Variants in BAIAP2L2 observed in about 807,000 individuals in gnomAD.
BAIAP2L2 encodes BAR/IMD domain containing adaptor protein 2 like 2, also known as BAR/IMD domain-containing adapter protein 2-like 2.
Under a neutral mutation model 60.4 loss-of-function variants are expected in BAIAP2L2, and 65 were observed. The ratio of observed to expected loss-of-function variants is 1.08; its 90% CI spans 0.88 to 1.32. The LOEUF (loss-of-function observed/expected upper bound fraction) is 1.32, where lower values mean the gene tolerates loss of function less well. BAIAP2L2 is among the 40% of genes most tolerant of loss of function. The pLI is 0.00. For synonymous variants in BAIAP2L2, 344 were observed against 301.7 expected, an observed-to-expected ratio of 1.14 and a Z score of -1.45; for missense variants, 836 against 741.2, an observed-to-expected ratio of 1.13 and a Z score of -1.48.
intron 1 of BAIAP2L2, among the ~76,000 whole-genome samples, chr22:38,109,882 G>C (rs1476595903): frequency 6.6e-6 from 1 of 151,218 alleles, no homozygotes; most frequent in Admixed American, 6.6e-5. Flanking sequence ...TATCAAGCAG[G>C]GTGGTCATTT....
chr22:38,110,554 G>T lies in BAIAP2L2; in HGVS notation c.-29C>A. 6.3e-7 allele frequency: 1 copy of T among 1,590,964 alleles called. No homozygotes were observed. The highest frequency in any genetic ancestry group is 8.6e-7 in the Non-Finnish European group (1 of 1,166,018). On this transcript the variant is annotated 5_prime_UTR_variant, in exon 1 of 14. Transcript: ENST00000381669. ...GGGGCTGTCCCGGGTCTGAGCAGGA[G>T]GCTGGGAGCTGGTGGCGATGGCACA...
intron 4 of BAIAP2L2, among the ~76,000 whole-genome samples, chr22:38,100,578 C>A (rs1457545577): frequency 6.6e-6 from 1 of 151,502 alleles, no homozygotes; most frequent in African/African-American, 2.4e-5. Context: ...ATAAATAAAG[C>A]TTAGCACCTC....
At chr22:38,085,588 A>C in intron 13 of BAIAP2L2, 98 bp downstream of exon 13, 1 of 1,432,420 alleles carries the variant, frequency 7.0e-7, no homozygotes, top group Middle Eastern at 2.1e-4. Context: ...GAATCAAGAG[A>C]TCCTCCTGCC....
chr22:38,107,816 G>A (rs748859466), intron 4 of BAIAP2L2, 36 bp downstream of exon 4: 25 of 1,598,228 alleles, frequency 1.6e-5, no homozygotes, highest in East Asian at 1.1e-4. Context: ...CACTTTCCTC[G>A]AGTGACCCCT....
rs749685662 is a variant in BAIAP2L2, at chr22:38,090,099, A to ATTTTTTTTT, written c.613-434_613-426dup. ...TACCCAGTAACACTATGGAAAATGC[A>ATTTTTTTTT]TTTTTTTTTTTTTTTTTTTTTTTTT... On this transcript the variant is annotated intron_variant, in intron 7 of 13. Coordinates refer to ENST00000381669, the MANE Select transcript of BAIAP2L2 (RefSeq NM_025045.6). 5.9e-4 allele frequency: 45 copies of ATTTTTTTTT among 75,876 alleles called. 4 individuals are homozygous for ATTTTTTTTT. Among genetic ancestry groups the ATTTTTTTTT allele is most frequent in the African/African-American group, 2.2e-3 (44 of 20,262 alleles). The allele number at this position is 75,876 out of a possible 1,614,324, so 4.7% of individuals were successfully genotyped here.
At chr22:38,095,828 A>AG (rs1326374440) in intron 7 of BAIAP2L2, among the ~76,000 whole-genome samples, 2 of 152,090 alleles carry the variant, frequency 1.3e-5, no homozygotes, top group Admixed American at 6.5e-5. Flanking sequence ...ACAGGTAGAG[A>AG]GAAAAAAATA....
intron 11 of BAIAP2L2, 46 bp downstream of exon 11, chr22:38,087,078 C>CA: frequency 5.4e-6 from 8 of 1,482,648 alleles, no homozygotes; most frequent in Non-Finnish European, 7.1e-6. Context: ...CAGTGACACC[C>CA]TTGCCGGCGT....
At chr22:38,094,963 C>A (rs1332926084) in intron 7 of BAIAP2L2, among the ~76,000 whole-genome samples, 2 of 152,030 alleles carry the variant, frequency 1.3e-5, no homozygotes, top group African/African-American at 4.8e-5. Context: ...ACCACCCTGG[C>A]CAACATGGTG....
Position 38,098,338 on chromosome 22 carries a change from T to C in BAIAP2L2, c.348+73A>G, listed in dbSNP as rs926955302. The C allele has an allele frequency of 3.3e-6, 5 of 1,509,010 alleles. No individual in the cohort carries two copies. In the African/African-American group the frequency reaches 4.1e-5, roughly 12 times the overall value. The allele number at this position is 1,509,010 out of a possible 1,614,324, so 93.5% of individuals were successfully genotyped here. ...TCAGTGCTCAGCACTGGCCTGTGTG[T>C]GCCTACCTGTCAAATGGGAGAGGGG... On this transcript the variant is annotated intron_variant, in intron 5 of 13. Coordinates refer to ENST00000381669, the MANE Select transcript of BAIAP2L2 (RefSeq NM_025045.6).
At chr22:38,110,166 A>G (rs1242945833) in intron 1 of BAIAP2L2, among the ~76,000 whole-genome samples, 24 of 142,354 alleles carry the variant, frequency 1.7e-4, no homozygotes, top group African/African-American at 6.2e-4. Flanking sequence ...ACAGAGAGAG[A>G]GAGGGAGGGT....
intron 12 of BAIAP2L2, 48 bp from the exon 13 acceptor site, chr22:38,085,780 C>T (rs758506122): frequency 2.7e-6 from 4 of 1,493,428 alleles, no homozygotes; most frequent in African/African-American, 2.8e-5. Flanking sequence ...GAGGGGCAAG[C>T]AATCCCTTGC....
chr22:38,097,183 G>T lies in BAIAP2L2; in HGVS notation c.466-5C>A, dbSNP rs758208512. On this transcript the variant is annotated splice_region_variant and splice_polypyrimidine_tract_variant and intron_variant, in intron 6 of 13. Transcript: ENST00000381669. ...GTGCAGCCGGTTCACACTCTCCTGGGGGGGAACGGGAGTTCTGGCTGGGGG... is the reference window on the plus strand; with the variant it reads ...GTGCAGCCGGTTCACACTCTCCTGGTGGGGAACGGGAGTTCTGGCTGGGGG... The T allele has an allele frequency of 1.9e-6, 3 of 1,611,544 alleles. No homozygotes were observed. Among genetic ancestry groups the T allele is most frequent in the Non-Finnish European group, 2.5e-6 (3 of 1,178,336 alleles).
chr22:38,094,029 G>A (rs9610903), intron 7 of BAIAP2L2: 25,157 of 455,664 alleles, frequency 0.055, 921 homozygotes, highest in Middle Eastern at 0.11. Flanking sequence ...ATATTATCCA[G>A]CAGTGAAAAG....
intron 12 of BAIAP2L2, 119 bp from the exon 13 acceptor site, chr22:38,085,851 G>A (rs2086048841): frequency 9.8e-7 from 1 of 1,022,204 alleles, no homozygotes; most frequent in Non-Finnish European, 1.4e-6. Flanking sequence ...CCCCTGCCAT[G>A]CCAGGCTCCT....
chr22:38,088,750 G>C lies in BAIAP2L2; in HGVS notation c.1116C>G (p.Ser372=). The change falls in exon 10 of 14, where the codon TCC becomes TCG. Residue 372 remains serine, a splice_region_variant and synonymous_variant. Coordinates refer to ENST00000381669, the MANE Select transcript of BAIAP2L2 (RefSeq NM_025045.6). The part of the protein sequence containing the change: ...GWLYGKLEGS[S]ASGWFPEAYV... ...GCCCCTCCAAGGCTCCCACTCACGC[G>C]GACGAGCCCTCCAGCTTGCCGTAGA... 1 of 1,594,990 alleles carries C rather than the reference G, an allele frequency of 6.3e-7. No individual in the cohort carries two copies. Among genetic ancestry groups the C allele is most frequent in the Non-Finnish European group, 8.5e-7 (1 of 1,177,368 alleles).
rs1051152520 is a variant in BAIAP2L2, at chr22:38,085,538, A to C, written c.1514+148T>G. On this transcript the variant is annotated intron_variant, in intron 13 of 13. Transcript: ENST00000381669. ...CATCTTTTTTTTTCTTTTAAGAGAT[A>C]GGGTCTCACAGTGTTGCTCAAGCTG... The C allele has an allele frequency of 3.2e-6, 4 of 1,245,994 alleles. No individual in the cohort carries two copies. In the African/African-American group the frequency reaches 4.5e-5, roughly 14 times the overall value. The allele number at this position is 1,245,994 out of a possible 1,614,324, so 77.2% of individuals were successfully genotyped here. A position where few individuals can be genotyped will look rare whatever the true frequency, so the allele number is the denominator to read the frequency against.
At chr22:38,088,093 A>T (rs2086154303) in intron 10 of BAIAP2L2, among the ~76,000 whole-genome samples, 1 of 152,158 alleles carries the variant, frequency 6.6e-6, no homozygotes, top group Admixed American at 6.5e-5. Context: ...CTGCAGCAGG[A>T]GTGGGCACCG....
intron 6 of BAIAP2L2, 47 bp from the exon 7 acceptor site, chr22:38,097,225 T>C (rs774917746): frequency 1.3e-6 from 2 of 1,595,384 alleles, no homozygotes; most frequent in Non-Finnish European, 8.6e-7. Context: ...GTGTGTCTCA[T>C]CCCACCCCCC....
At chr22:38,100,326 G>A (rs561810820) in intron 4 of BAIAP2L2, among the ~76,000 whole-genome samples, 1 of 152,036 alleles carries the variant, frequency 6.6e-6, no homozygotes, top group South Asian at 2.1e-4. Context: ...CCGAGCTTGT[G>A]ACCAGCCTGG....
Sources: gnomAD v4.1 joint callset for allele counts (sites outside exome capture counted in the v4.1 genomes callset) on GRCh38, gnomAD v4.1.1 for gene constraint, MANE v1.5 for transcripts, NCBI Gene and HGNC (gene_info 2026-07-23, HGNC 2026-07-21) for gene names.